C5orf22: variants seen among roughly 807,000 people sequenced by gnomAD.
C5orf22 encodes the protein UPF0489 protein C5orf22.
In C5orf22, 36 loss-of-function variants were observed where a neutral mutation model predicts 48.7. The ratio of observed to expected loss-of-function variants is 0.74; its 90% CI spans 0.57 to 0.98. The LOEUF is 0.98. C5orf22 is among the 50% of genes least tolerant of loss of function. The pLI is 0.00. For missense variants in C5orf22, 486 were observed against 521.9 expected, an observed-to-expected ratio of 0.93 and a Z score of 0.67; for synonymous variants, 141 against 180.8, an observed-to-expected ratio of 0.78 and a Z score of 1.76.
intron 6 of C5orf22, among the ~76,000 whole-genome samples, chr5:31,542,478 A>AAAAAAAAAAAG (rs1742533523): frequency 6.6e-6 from 1 of 150,806 alleles, no homozygotes; most frequent in Non-Finnish European, 1.5e-5. Flanking sequence ...AAAAAAAAAA[A>AAAAAAAAAAAG]GCGAAAACTT....
chr5:31,538,675 G>A lies in C5orf22; in HGVS notation c.793G>A (p.Glu265Lys), dbSNP rs765981707. 2.5e-5 allele frequency: 41 copies of A among 1,610,064 alleles called. No individual in the cohort carries two copies. The highest frequency in any genetic ancestry group is 1.3e-4 in the Admixed American group (8 of 59,750). The change falls in exon 4 of 9, where the codon GAA becomes AAA. Residue 265 changes from glutamate to lysine, a missense_variant. Physicochemically the swap from Glu to Lys is moderately conservative, Grantham distance 56 (BLOSUM62 1). Around this residue, in one of 3 missense-constraint regions of C5orf22, gnomAD observed 408 missense variants for 444.0 expected, o/e 0.92. Coordinates refer to ENST00000325366, the MANE Select transcript of C5orf22 (RefSeq NM_018356.3). ...DFFSVKNPFK[E>K]MFTQEEYKIL... Reference sequence around the variant, plus strand: ...TTTTTCAGTCAAGAATCCCTTCAAAGAAATGTTCACTCAGGTAAATAATTG... The same window carrying A: ...TTTTTCAGTCAAGAATCCCTTCAAAAAAATGTTCACTCAGGTAAATAATTG...
rs540032722 is a variant in C5orf22 at position 31,541,806 on chromosome 5, A to G, written c.992+404A>G. Among the ~76,000 whole-genome samples, 4 of 152,320 alleles carry G rather than the reference A, an allele frequency of 2.6e-5. No individual in the cohort carries two copies. The South Asian group carries it at 8.3e-4, about 32-fold the overall frequency. On this transcript the variant is annotated intron_variant, in intron 6 of 8. Transcript: ENST00000325366. ...AAAAAAGAATTAGTATTAAATTTCA[A>G]CACATTTACTAACAATAGTAGACAT...
At chr5:31,539,866 G>C (rs955863304) in intron 4 of C5orf22, among the ~76,000 whole-genome samples, 2 of 151,948 alleles carry the variant, frequency 1.3e-5, no homozygotes, top group African/African-American at 4.8e-5. Flanking sequence ...AACGTAGCAA[G>C]ACCCCATCTC....
chr5:31,550,075 G>A (rs1027915585), intron 7 of C5orf22, among the ~76,000 whole-genome samples: 4 of 152,124 alleles, frequency 2.6e-5, no homozygotes, highest in South Asian at 2.1e-4. Flanking sequence ...GAGATAGAAC[G>A]CTAAATAGTT....
intron 2 of C5orf22, chr5:31,535,047 C>T (rs1741990004): frequency 2.2e-6 from 1 of 452,474 alleles, no homozygotes; most frequent in South Asian, 1.6e-5. Context: ...TTCAGGCTTT[C>T]ACAGGCATGT....
Position 31,551,432 on chromosome 5 carries a change from GGTAA to G in C5orf22, c.1199+3_1199+6del, listed in dbSNP as rs1476100094. 1.2e-6 allele frequency: 2 copies of G among 1,607,946 alleles called. No homozygotes were observed. Among genetic ancestry groups the G allele is most frequent in the Non-Finnish European group, 1.7e-6 (2 of 1,177,466 alleles). ...AATCCTACTCTTGTGACAATTGCAA[GGTAA>G]GTGTGTTCAGCAGAATAATGGCAAA... On this transcript the variant is annotated splice_donor_variant and splice_donor_region_variant and intron_variant, in intron 8 of 8. Coordinates refer to ENST00000325366, the MANE Select transcript of C5orf22 (RefSeq NM_018356.3). LOFTEE classifies it high-confidence loss of function.
At chr5:31,534,216 A>T in intron 1 of C5orf22, 56 bp from the exon 2 acceptor site, 1 of 1,423,482 alleles carries the variant, frequency 7.0e-7, no homozygotes, top group African/African-American at 1.4e-5. Flanking sequence ...TCTGCAGTTG[A>T]GTGTGTGCTC....
At position 31,540,715 on chromosome 5, in the gene C5orf22, T is replaced by C. The variant is rs1479644515; in HGVS notation, c.808-234T>C. On this transcript the variant is annotated intron_variant, in intron 4 of 8. Transcript: ENST00000325366. ...TAGTACCATGCCCAGCTGGATAGAG[T>C]TGCCTTGAAGAAGTGATATTTACAA... 5 of 429,936 alleles carry C rather than the reference T, an allele frequency of 1.2e-5. No individual in the cohort carries two copies. In the Admixed American group the frequency reaches 1.9e-4, roughly 16 times the overall value. The allele number at this position is 429,936 out of a possible 1,614,324, so 26.6% of individuals were successfully genotyped here.
chr5:31,535,805 A>G lies in C5orf22; in HGVS notation c.289A>G (p.Ile97Val), dbSNP rs780737764. 4 of 1,612,972 alleles carry G rather than the reference A, an allele frequency of 2.5e-6. No individual in the cohort carries two copies. In the African/African-American group the frequency reaches 4.0e-5, roughly 16 times the overall value. Residue 97 changes from isoleucine (I) to valine (V), a missense_variant, in exon 3 of 9, where the codon ATA becomes GTA. Transcript: ENST00000325366. ...AVYAGHFSHV[I>V]WFHPTWAQQI... ...TTATGCTGGCCATTTTTCACATGTA[A>G]TATGGTTTCATCCCACATGGGCTCA...
chr5:31,541,435 C>T (rs749690902), intron 6 of C5orf22, 33 bp downstream of exon 6: 4 of 1,608,258 alleles, frequency 2.5e-6, no homozygotes, highest in Non-Finnish European at 1.7e-6. Context: ...TCCCCCAACT[C>T]TACTAACTTT....
chr5:31,548,623 C>T, intron 7 of C5orf22: 1 of 446,932 alleles, frequency 2.2e-6, no homozygotes. Context: ...ATTTCCCTGC[C>T]TTCTTCTGAG....
At chr5:31,538,763 T>G in intron 4 of C5orf22, 74 bp downstream of exon 4, 1 of 1,082,832 alleles carries the variant, frequency 9.2e-7, no homozygotes, top group South Asian at 1.6e-5. Context: ...ACCAGCAAAC[T>G]CTTTAAACAG....
At chr5:31,544,980 T>C (rs1283286861) in intron 6 of C5orf22, among the ~76,000 whole-genome samples, 1 of 152,016 alleles carries the variant, frequency 6.6e-6, no homozygotes, top group East Asian at 1.9e-4. Flanking sequence ...CTTAATTTTT[T>C]TTTTTTTTTT....
intron 7 of C5orf22, chr5:31,548,751 T>C (rs1167302643): frequency 1.9e-5 from 6 of 315,450 alleles, no homozygotes. Context: ...GTTTTCACGC[T>C]GCTGATAAAG....
chr5:31,548,761 G>C, intron 7 of C5orf22: 1 of 312,172 alleles, frequency 3.2e-6, no homozygotes, highest in Non-Finnish European at 6.2e-6. Flanking sequence ...TGCTGATAAA[G>C]ACATACCCAA....
chr5:31,551,488 G>A, intron 8 of C5orf22, 56 bp downstream of exon 8: 1 of 1,354,366 alleles, frequency 7.4e-7, no homozygotes, highest in Non-Finnish European at 1.0e-6. Context: ...CCTAATCTCT[G>A]GAACCTGTGA....
At chr5:31,532,679 G>A (rs954474795) in intron 1 of C5orf22, among the ~76,000 whole-genome samples, 5 of 151,978 alleles carry the variant, frequency 3.3e-5, no homozygotes, top group African/African-American at 1.2e-4. Flanking sequence ...TACGAGTCGG[G>A]GCAACTTATT....
intron 1 of C5orf22, among the ~76,000 whole-genome samples, chr5:31,533,192 G>T (rs1741785950): frequency 6.6e-6 from 1 of 151,908 alleles, no homozygotes; most frequent in Non-Finnish European, 1.5e-5. Flanking sequence ...GACCTCACGT[G>T]ATCGGCCCCC....
At position 31,533,011 on chromosome 5, in the gene C5orf22, G is replaced by A. The variant is rs538561288; in HGVS notation, c.81+538G>A. Among the ~76,000 whole-genome samples the A allele has an allele frequency of 1.4e-3, 220 of 152,092 alleles. 2 individuals are homozygous for A. The highest frequency in any genetic ancestry group is 5.1e-3 in the African/African-American group (210 of 41,466). On this transcript the variant is annotated intron_variant, in intron 1 of 8. Transcript: ENST00000325366. Reference sequence around the variant, plus strand: ...TCTCTGTTACCCAGACTGGAGTGCAGTGGCGCGATCTCGGCTCACTGCAAC... The same window carrying A: ...TCTCTGTTACCCAGACTGGAGTGCAATGGCGCGATCTCGGCTCACTGCAAC...
Sources: allele counts gnomAD v4.1 joint callset (sites outside exome capture counted in the v4.1 genomes callset), GRCh38; gene constraint gnomAD v4.1.1; regional missense constraint gnomAD v4.1.1; transcripts MANE v1.5; gene names NCBI Gene and HGNC (gene_info 2026-07-23, HGNC 2026-07-21).